KANK1: variants seen among roughly 807,000 people sequenced by gnomAD.
The protein encoded by KANK1 is KN motif and ankyrin repeat domain-containing protein 1.
In KANK1, 109 loss-of-function variants were observed where a neutral mutation model predicts 106.2. The observed-to-expected ratio is 1.03, with a 90% CI of 0.88 to 1.20. The LOEUF (loss-of-function observed/expected upper bound fraction) is 1.20. Among genes scored for constraint, KANK1 ranks in the 50% most tolerant of loss-of-function variants. KANK1 has a pLI of 0.00. For missense variants in KANK1, 2,399 were observed against 1,710.7 expected, an observed-to-expected ratio of 1.40 and a Z score of -7.10; for synonymous variants, 873 against 652.2, an observed-to-expected ratio of 1.34 and a Z score of -5.16.
At chr9:741,044 A>C (rs1835347493) in intron 9 of KANK1, 110 bp downstream of exon 9, 10 of 1,224,996 alleles carry the variant, frequency 8.2e-6, no homozygotes, top group Non-Finnish European at 9.1e-6. Flanking sequence ...ACCACAGTGC[A>C]CTTGTTTGCA....
Position 578,553 on chromosome 9 carries a change from C to T in KANK1, c.-84+73799C>T, listed in dbSNP as rs529120048. Among the ~76,000 whole-genome samples the T allele has an allele frequency of 1.5e-4, 23 of 152,044 alleles. No homozygotes were observed. The East Asian group carries it at 1.5e-3, about 10-fold the overall frequency. ...ATATATCTATTCTAATTGTTTTCCC[C>T]TGGAACATCATCATAGTTTAGGAGT... On this transcript the variant is annotated intron_variant, in intron 1 of 11. Transcript: ENST00000382297.
chr9:531,700 T>G (rs1454880952), intron 1 of KANK1, among the ~76,000 whole-genome samples: 1 of 152,188 alleles, frequency 6.6e-6, no homozygotes, highest in African/African-American at 2.4e-5. Context: ...AAAAAAGTCT[T>G]TATTTGCCTA....
intron 2 of KANK1, among the ~76,000 whole-genome samples, chr9:699,303 T>G (rs1346090043): frequency 6.6e-6 from 1 of 152,220 alleles, no homozygotes; most frequent in Non-Finnish European, 1.5e-5. Context: ...CTGTGTCTGT[T>G]TTGCTTAGCA....
At chr9:527,817 A>T (rs1370622675) in intron 1 of KANK1, among the ~76,000 whole-genome samples, 10 of 137,724 alleles carry the variant, frequency 7.3e-5, no homozygotes, top group African/African-American at 2.9e-4. Flanking sequence ...GCTTTTTATT[A>T]AAAAAAAAAA....
At chr9:681,605 C>T (rs1430603442) in intron 2 of KANK1, among the ~76,000 whole-genome samples, 3 of 152,166 alleles carry the variant, frequency 2.0e-5, no homozygotes, top group Non-Finnish European at 2.9e-5. Context: ...AAAAGAATAG[C>T]TGTAAAAACA....
Position 745,463 on chromosome 9 carries a change from CTG to C in KANK1, c.*230_*231del. The C allele has an allele frequency of 2.2e-6, 1 of 462,398 alleles. No individual in the cohort carries two copies. Among genetic ancestry groups the C allele is most frequent in the Non-Finnish European group, 3.9e-6 (1 of 257,890 alleles). 28.6% of individuals were successfully genotyped at this position (462,398 alleles called of 1,614,324 possible). On this transcript the variant is annotated 3_prime_UTR_variant, in exon 12 of 12. Transcript: ENST00000382297. ...TGTAGGGCACACTTTAACCCAGTCT[CTG>C]TTGCTGTTGAGTCTCTGCTCCGTTT...
chr9:741,024 C>G (rs1835340633), intron 9 of KANK1, 90 bp downstream of exon 9: 3 of 1,420,218 alleles, frequency 2.1e-6, no homozygotes, highest in Non-Finnish European at 2.9e-6. Flanking sequence ...GGCATAGATG[C>G]CACGCTTCCA....
chr9:730,989 T>G lies in KANK1; in HGVS notation c.2897-169T>G, dbSNP rs1186254248. 7.2e-6 allele frequency: 3 copies of G among 415,190 alleles called. No homozygotes were observed. In the East Asian group the frequency reaches 1.3e-4, roughly 18 times the overall value. 25.7% of individuals were successfully genotyped at this position (415,190 alleles called of 1,614,324 possible). On this transcript the variant is annotated intron_variant, in intron 4 of 11. Coordinates refer to ENST00000382297, the MANE Select transcript of KANK1 (RefSeq NM_015158.5). ...AGAATGTTATTAATGGAACTTTGAA[T>G]TATTTTCTTTGCATGCACACACTTT...
intron 1 of KANK1, among the ~76,000 whole-genome samples, chr9:669,264 T>C (rs1845367864): frequency 6.6e-6 from 1 of 152,150 alleles, no homozygotes; most frequent in African/African-American, 2.4e-5. Context: ...AATTAGAGTA[T>C]TTGAATATTC....
intron 3 of KANK1, among the ~76,000 whole-genome samples, chr9:497,222 A>C (rs889597920): frequency 2.0e-5 from 3 of 152,182 alleles, no homozygotes; most frequent in African/African-American, 7.2e-5. Flanking sequence ...AAAAAAGAAA[A>C]AAAGGAAAAG....
intron 1 of KANK1, among the ~76,000 whole-genome samples, chr9:532,674 C>T (rs1444492181): frequency 6.6e-6 from 1 of 152,146 alleles, no homozygotes; most frequent in Non-Finnish European, 1.5e-5. Flanking sequence ...GCGTGAGCAT[C>T]TTATTTGCCC....
At chr9:539,584 G>C (rs140827019) in intron 1 of KANK1, 1 of 152,138 alleles carries the variant, frequency 6.6e-6, no homozygotes, top group Non-Finnish European at 1.5e-5. Context: ...TTGAACTCCT[G>C]GGCTCAAGTG....
chr9:588,469 A>G (rs978739854), intron 1 of KANK1, among the ~76,000 whole-genome samples: 1 of 151,918 alleles, frequency 6.6e-6, no homozygotes, highest in Non-Finnish European at 1.5e-5. Flanking sequence ...CTGTTAATTT[A>G]CTCTGTTGAT....
intron 2 of KANK1, among the ~76,000 whole-genome samples, chr9:680,701 G>A (rs1817373940): frequency 6.6e-6 from 1 of 152,110 alleles, no homozygotes; most frequent in Non-Finnish European, 1.5e-5. Flanking sequence ...GTTGCCAGAA[G>A]AAAAAATACT....
chr9:654,076 A>G (rs937854039), intron 1 of KANK1, among the ~76,000 whole-genome samples: 1 of 152,202 alleles, frequency 6.6e-6, no homozygotes, highest in African/African-American at 2.4e-5. Context: ...CTTACCAGAA[A>G]TTAGGTATTT....
At chr9:691,451 A>G (rs1819891395) in intron 2 of KANK1, among the ~76,000 whole-genome samples, 1 of 150,566 alleles carries the variant, frequency 6.6e-6, no homozygotes, top group Non-Finnish European at 1.5e-5. Flanking sequence ...AATAGAGACA[A>G]GGTCTCACTA....
At chr9:678,362 G>A (rs1588845180) in intron 2 of KANK1, among the ~76,000 whole-genome samples, 1 of 152,118 alleles carries the variant, frequency 6.6e-6, no homozygotes, top group Non-Finnish European at 1.5e-5. Context: ...ATGAGATTAA[G>A]CTATTATTTT....
chr9:594,658 T>A (rs549025055), intron 1 of KANK1, among the ~76,000 whole-genome samples: 4 of 152,004 alleles, frequency 2.6e-5, no homozygotes, highest in African/African-American at 9.7e-5. Context: ...CCTGAGTGTT[T>A]TTTTGATTTC....
At chr9:627,372 G>A (rs886253915) in intron 1 of KANK1, among the ~76,000 whole-genome samples, 1 of 141,512 alleles carries the variant, frequency 7.1e-6, no homozygotes, top group African/African-American at 3.2e-5. Context: ...CCTAGCCACA[G>A]AGCTTCTGCC....
Sources: gnomAD v4.1 joint callset for allele counts (sites outside exome capture counted in the v4.1 genomes callset) on GRCh38, gnomAD v4.1.1 for gene constraint, MANE v1.5 for transcripts, NCBI Gene and HGNC (gene_info 2026-07-23, HGNC 2026-07-21) for gene names.